Variants in PCDHGA4 observed in about 807,000 individuals in gnomAD.
PCDHGA4 encodes the protein protocadherin gamma subfamily A, 4.
In PCDHGA4, 38 loss-of-function variants were observed where a neutral mutation model predicts 54.6. That is an observed-to-expected ratio of 0.70 (90% CI 0.54 to 0.91). The LOEUF (loss-of-function observed/expected upper bound fraction) is 0.91, where lower values mean the gene tolerates loss of function less well. PCDHGA4 is among the 40% of genes least tolerant of loss of function. PCDHGA4 has a pLI of 0.00. For missense variants in PCDHGA4, 1,298 were observed against 1,220.9 expected, an observed-to-expected ratio of 1.06 and a Z score of -0.94; for synonymous variants, 511 against 512.9, an observed-to-expected ratio of 1.00 and a Z score of 0.05.
rs1451963351 is a variant in PCDHGA4, at chr5:141,355,245, G to C, written c.138G>C (p.Gln46His). The change falls in exon 1 of 4, where the codon CAG (glutamine) becomes CAC (histidine). Residue 46 changes from glutamine to histidine, a missense_variant. Gln to His is a conservative substitution (Grantham distance 24). Transcript: ENST00000571252. ...GCCCAGACCACACCCGGCTGCTCCAGATCTGCCTTCTCCTGGGGGTTCTGG... is the reference window on the plus strand; with the variant it reads ...GCCCAGACCACACCCGGCTGCTCCACATCTGCCTTCTCCTGGGGGTTCTGG... ...PARPDHTRLL[Q>H]ICLLLGVLVE... 6 of 1,613,186 alleles carry C rather than the reference G, an allele frequency of 3.7e-6. No homozygotes were observed. Among genetic ancestry groups the C allele is most frequent in the Non-Finnish European group, 5.1e-6 (6 of 1,179,780 alleles).
intron 1 of PCDHGA4, chr5:141,361,816 C>T (rs770591894): frequency 1.9e-6 from 3 of 1,613,084 alleles, no homozygotes; most frequent in Admixed American, 3.3e-5. Flanking sequence ...CAATGCGCCA[C>T]GGGTGCTGTA....
At position 141,421,262 on chromosome 5, in the gene PCDHGA4, G is replaced by GGCT. The variant is rs748368476; in HGVS notation, c.2514+63655_2514+63657dup. 2.6e-5 allele frequency: 42 copies of GGCT among 1,609,594 alleles called. No homozygotes were observed. The Admixed American group carries it at 3.2e-4, about 12-fold the overall frequency. On this transcript the variant is annotated intron_variant, in intron 1 of 3. Coordinates refer to ENST00000571252, the MANE Select transcript of PCDHGA4 (RefSeq NM_018917.4). ...CGGCTACAGCGCGGGGACCGCAGTC[G>GGCT]GCTGCTGCTGCTGCTGTGCATTTTC...
At chr5:141,448,782 T>C (rs2098606045) in intron 1 of PCDHGA4, among the ~76,000 whole-genome samples, 1 of 148,758 alleles carries the variant, frequency 6.7e-6, no homozygotes, top group Non-Finnish European at 1.5e-5. Flanking sequence ...GTACTAAAAA[T>C]ACAAAAAAAA....
At chr5:141,383,710 G>C (rs1388027066) in intron 1 of PCDHGA4, 1 of 1,613,992 alleles carries the variant, frequency 6.2e-7, no homozygotes. Flanking sequence ...CGACCTGGAC[G>C]AGGGAGTCAA....
At chr5:141,488,348 C>T (rs1231687770) in intron 1 of PCDHGA4, among the ~76,000 whole-genome samples, 1 of 152,106 alleles carries the variant, frequency 6.6e-6, no homozygotes, top group Non-Finnish European at 1.5e-5. Flanking sequence ...TAGAAACAGC[C>T]ACCCTGTGCA....
chr5:141,507,736 G>A (rs1562231670), intron 3 of PCDHGA4, among the ~76,000 whole-genome samples: 1 of 152,240 alleles, frequency 6.6e-6, no homozygotes. Flanking sequence ...CATGCAGCTC[G>A]TTCCCCTGTC....
chr5:141,436,040 C>T (rs989038133), intron 1 of PCDHGA4, among the ~76,000 whole-genome samples: 1 of 152,060 alleles, frequency 6.6e-6, no homozygotes, highest in African/African-American at 2.4e-5. Context: ...TTTGTATTTA[C>T]ATTAGTTTTC....
chr5:141,390,003 C>A, intron 1 of PCDHGA4: 1 of 1,614,056 alleles, frequency 6.2e-7, no homozygotes, highest in Non-Finnish European at 8.5e-7. Flanking sequence ...GGCCATGATT[C>A]TGGCCATTGC....
chr5:141,432,178 T>C lies in PCDHGA4; in HGVS notation c.2515-62629T>C. Reference sequence around the variant, plus strand: ...ATCCCAGAGGAGTTTCCCTCGTCTCTGTGACCGCCCACGACCCCGACTGTG... The same window carrying C: ...ATCCCAGAGGAGTTTCCCTCGTCTCCGTGACCGCCCACGACCCCGACTGTG... On this transcript the variant is annotated intron_variant, in intron 1 of 3. Transcript: ENST00000571252. The surrounding 1 kb of genome is among the most constrained non-coding windows in gnomAD (Gnocchi z 6.0). 6.2e-7 allele frequency: 1 copy of C among 1,614,184 alleles called. No individual in the cohort carries two copies. The highest frequency in any genetic ancestry group is 8.5e-7 in the Non-Finnish European group (1 of 1,180,036).
rs1161188105 is a variant in PCDHGA4, at chr5:141,427,974, G to A, written c.2515-66833G>A. 9 of 1,594,458 alleles carry A rather than the reference G, an allele frequency of 5.6e-6. No individual in the cohort carries two copies. In the Admixed American group the frequency reaches 1.5e-4, roughly 27 times the overall value. ...CAATGTGCCGCGGGTGCTGTACCCC[G>A]CGCTGGGGCCCGATGGCTCCGCACT... On this transcript the variant is annotated intron_variant, in intron 1 of 3. Transcript: ENST00000571252.
intron 2 of PCDHGA4, among the ~76,000 whole-genome samples, chr5:141,504,402 G>A (rs2099837969): frequency 6.6e-6 from 1 of 152,170 alleles, no homozygotes; most frequent in Admixed American, 6.6e-5. Context: ...AGCCAGTGTG[G>A]TGGAGGAACA....
chr5:141,391,728 T>C (rs2092412871), intron 1 of PCDHGA4: 1 of 152,222 alleles, frequency 6.6e-6, no homozygotes, highest in East Asian at 1.9e-4. Flanking sequence ...ACAGACTTTT[T>C]TGTAGTCATA....
intron 1 of PCDHGA4, among the ~76,000 whole-genome samples, chr5:141,430,243 T>C (rs1020416761): frequency 5.6e-5 from 6 of 106,478 alleles, no homozygotes; most frequent in African/African-American, 3.0e-4. Flanking sequence ...GAGAAACTCC[T>C]AGGGAGACAT....
intron 1 of PCDHGA4, chr5:141,384,651 C>G (rs138410124): frequency 1.2e-6 from 2 of 1,614,076 alleles, no homozygotes; most frequent in Non-Finnish European, 1.7e-6. Context: ...CCGCAGAGCC[C>G]GGCTACCTGG....
At position 141,490,840 on chromosome 5, in the gene PCDHGA4, G is replaced by C. The variant is rs1177428192; in HGVS notation, c.2515-3967G>C. On this transcript the variant is annotated intron_variant, in intron 1 of 3. Transcript: ENST00000571252. This position sits in a 1 kb window ranked among gnomAD's most constrained non-coding sequence, Gnocchi z 5.4. Reference sequence around the variant, plus strand: ...ATTGCTGCAGATGCTGCAGATTGTGGTGGGGGTTCGAGACTCCGGCTCTCC... The same window carrying C: ...ATTGCTGCAGATGCTGCAGATTGTGCTGGGGGTTCGAGACTCCGGCTCTCC... 2 of 1,613,900 alleles carry C rather than the reference G, an allele frequency of 1.2e-6. No homozygotes were observed. Among genetic ancestry groups the C allele is most frequent in the Middle Eastern group, 3.3e-4 (2 of 6,058 alleles).
intron 1 of PCDHGA4, chr5:141,378,871 A>G (rs1775219585): frequency 1.3e-5 from 2 of 152,236 alleles, no homozygotes; most frequent in East Asian, 3.9e-4. Flanking sequence ...TCGAATAGAA[A>G]ATGGATCACT....
rs775712620 is a variant in PCDHGA4, at chr5:141,491,341, G to T, written c.2515-3466G>T. 1 of 1,613,982 alleles carries T rather than the reference G, an allele frequency of 6.2e-7. No homozygotes were observed. The highest frequency in any genetic ancestry group is 8.5e-7 in the Non-Finnish European group (1 of 1,180,016). ...TTACCTCATTGTGGCTCTAGCGACC[G>T]TCAGTCTCTTATCCCTAGTCACCTT... On this transcript the variant is annotated intron_variant, in intron 1 of 3. Coordinates refer to ENST00000571252, the MANE Select transcript of PCDHGA4 (RefSeq NM_018917.4). The surrounding 1 kb of genome is among the most constrained non-coding windows in gnomAD (Gnocchi z 6.9).
chr5:141,357,288 A>G lies in PCDHGA4; in HGVS notation c.2181A>G (p.Ala727=), dbSNP rs1399396689. 6.2e-7 allele frequency: 1 copy of G among 1,613,874 alleles called. No homozygotes were observed. Among genetic ancestry groups the G allele is most frequent in the Admixed American group, 1.7e-5 (1 of 60,020 alleles). The change falls in exon 1 of 4, where the codon GCA becomes GCG. Residue 727 remains alanine, a synonymous_variant. Coordinates refer to ENST00000571252, the MANE Select transcript of PCDHGA4 (RefSeq NM_018917.4). The part of the protein sequence containing the change: ...DSGLTLYLVV[A]VAAVSCVFLA... Reference sequence around the variant, plus strand: ...GCCTCACACTCTATCTCGTGGTGGCAGTGGCCGCTGTCTCCTGCGTCTTCC... The same window carrying G: ...GCCTCACACTCTATCTCGTGGTGGCGGTGGCCGCTGTCTCCTGCGTCTTCC...
At chr5:141,433,395 C>CTATA (rs1426636882) in intron 1 of PCDHGA4, among the ~76,000 whole-genome samples, 2 of 150,654 alleles carry the variant, frequency 1.3e-5, no homozygotes, top group African/African-American at 4.9e-5. Context: ...ATCTATCTAT[C>CTATA]TATCTATCTA....
Sources: gnomAD v4.1 joint callset for allele counts (sites outside exome capture counted in the v4.1 genomes callset) on GRCh38, gnomAD v4.1.1 for gene constraint, Gnocchi (gnomAD v3.1) non-coding constraint, MANE v1.5 for transcripts, NCBI Gene and HGNC (gene_info 2026-07-23, HGNC 2026-07-21) for gene names.